The following CACNB2 variants were observed in gnomAD, a reference collection of about 807,000 sequenced individuals.
CACNB2 encodes the protein voltage-dependent L-type calcium channel subunit beta-2.
Under a neutral mutation model 73.3 loss-of-function variants are expected in CACNB2, and 42 were observed. The observed-to-expected ratio is 0.57, with a 90% CI of 0.45 to 0.74. CACNB2 has a LOEUF of 0.74. CACNB2 is among the 30% of genes least tolerant of loss of function. The pLI, the probability that CACNB2 is intolerant of heterozygous loss-of-function variation, is 0.00. For synonymous variants in CACNB2, 348 were observed against 310.3 expected (o/e 1.12, Z -1.28); for missense variants, 940 against 853.0 (o/e 1.10, Z -1.27).
In CACNB2 at chr10:18,428,169, T is replaced by A. The variant is rs566578995; in HGVS notation, c.333+26126T>A. On this transcript the variant is annotated intron_variant, in intron 3 of 13. Coordinates refer to ENST00000324631, the MANE Select transcript of CACNB2 (RefSeq NM_201596.3). ...GGTGATCCTACTGTTGTCATTTCTG[T>A]CTCTGATTTCAGGTTTGTACATTTC... 2.3e-4 allele frequency among the ~76,000 whole-genome samples: 35 copies of A among 152,364 alleles called. No homozygotes were observed. In the South Asian group the frequency reaches 7.2e-3, roughly 32 times the overall value.
chr10:18,397,720 C>CAA (rs10581390), intron 2 of CACNB2, among the ~76,000 whole-genome samples: 166 of 91,580 alleles, frequency 1.8e-3, no homozygotes, highest in Middle Eastern at 6.8e-3. Context: ...GACTCCGTCT[C>CAA]AAAAAAAAAA....
intron 2 of CACNB2, among the ~76,000 whole-genome samples, chr10:18,303,581 T>G (rs1290640454): frequency 6.6e-6 from 1 of 152,102 alleles, no homozygotes; most frequent in Non-Finnish European, 1.5e-5. Flanking sequence ...GTCACTTACT[T>G]CTCTTCATAA....
At chr10:18,235,428 A>C (rs1304359344) in intron 2 of CACNB2, among the ~76,000 whole-genome samples, 1 of 152,240 alleles carries the variant, frequency 6.6e-6, no homozygotes, top group Non-Finnish European at 1.5e-5. Context: ...ACTGCACTCC[A>C]GCCTGGGAGA....
At chr10:18,244,246 G>A (rs536852709) in intron 2 of CACNB2, among the ~76,000 whole-genome samples, 2 of 152,150 alleles carry the variant, frequency 1.3e-5, no homozygotes, top group Non-Finnish European at 2.9e-5. Context: ...AGTTCATTCT[G>A]GAACCACAGA....
Position 18,140,651 on chromosome 10 carries a change from C to A in CACNB2, c.-86C>A. The A allele has an allele frequency of 1.6e-6, 2 of 1,240,570 alleles. No homozygotes were observed. The highest frequency in any genetic ancestry group is 2.3e-6 in the Non-Finnish European group (2 of 869,896). 76.8% of individuals were successfully genotyped at this position (1,240,570 alleles called of 1,614,324 possible). On this transcript the variant is annotated 5_prime_UTR_variant, in exon 1 of 14. Coordinates refer to ENST00000324631, the MANE Select transcript of CACNB2 (RefSeq NM_201596.3). ...CTGAGCCCTGGGCGGCCCCCAGAGC[C>A]GATCAGAGCGCGGGGAGGCGGGGGC...
At chr10:18,269,738 G>A (rs531726964) in intron 2 of CACNB2, among the ~76,000 whole-genome samples, 13 of 152,174 alleles carry the variant, frequency 8.5e-5, no homozygotes, top group Admixed American at 2.6e-4. Flanking sequence ...CCATCCTTGC[G>A]GTCCTGTTCC....
At chr10:18,187,913 T>A (rs2034225290) in intron 2 of CACNB2, among the ~76,000 whole-genome samples, 1 of 152,126 alleles carries the variant, frequency 6.6e-6, no homozygotes, top group African/African-American at 2.4e-5. Flanking sequence ...TGTGGAGAAG[T>A]CTTAAATGAA....
intron 2 of CACNB2, among the ~76,000 whole-genome samples, chr10:18,389,188 G>C (rs975274144): frequency 6.6e-6 from 1 of 152,178 alleles, no homozygotes; most frequent in Non-Finnish European, 1.5e-5. Flanking sequence ...ACCCAGGCTG[G>C]ATTGCAGTGG....
intron 2 of CACNB2, among the ~76,000 whole-genome samples, chr10:18,293,511 G>A (rs1352167610): frequency 2.6e-5 from 4 of 152,204 alleles, no homozygotes; most frequent in Non-Finnish European, 1.5e-5. Context: ...CTAATGGCAT[G>A]TTTCTACCAT....
intron 3 of CACNB2, among the ~76,000 whole-genome samples, chr10:18,496,031 C>T (rs1023089517): frequency 6.6e-6 from 1 of 151,614 alleles, no homozygotes; most frequent in African/African-American, 2.4e-5. Context: ...ACTAAAAATA[C>T]AAAAATTAGC....
chr10:18,290,378 G>A (rs191595139), intron 2 of CACNB2, among the ~76,000 whole-genome samples: 36 of 151,946 alleles, frequency 2.4e-4, no homozygotes, highest in African/African-American at 8.0e-4. Flanking sequence ...ATTGCTTGAG[G>A]CTGAGTATAT....
chr10:18,231,560 T>G (rs1360075506), intron 2 of CACNB2, among the ~76,000 whole-genome samples: 1 of 152,230 alleles, frequency 6.6e-6, no homozygotes, highest in Non-Finnish European at 1.5e-5. Flanking sequence ...TTTTAGAGAA[T>G]GTGGCTTATT....
chr10:18,368,885 G>C (rs574780933), intron 2 of CACNB2, among the ~76,000 whole-genome samples: 1 of 151,958 alleles, frequency 6.6e-6, no homozygotes, highest in Non-Finnish European at 1.5e-5. Context: ...TACAGCATGA[G>C]TCACTCTATT....
chr10:18,524,243 C>A (rs2052223915), intron 9 of CACNB2, among the ~76,000 whole-genome samples: 1 of 151,094 alleles, frequency 6.6e-6, no homozygotes, highest in Non-Finnish European at 1.5e-5. Flanking sequence ...GTTTTGTTTC[C>A]TTCAGTGACT....
At chr10:18,362,034 G>A (rs879655560) in intron 2 of CACNB2, among the ~76,000 whole-genome samples, 2 of 151,860 alleles carry the variant, frequency 1.3e-5, no homozygotes, top group South Asian at 2.1e-4. Context: ...TTCCCATGTC[G>A]CCCAGGCTGA....
At chr10:18,205,714 A>C (rs181419134) in intron 2 of CACNB2, among the ~76,000 whole-genome samples, 1 of 152,158 alleles carries the variant, frequency 6.6e-6, no homozygotes, top group Non-Finnish European at 1.5e-5. Flanking sequence ...CTGATCTTCA[A>C]TTCTTTCTTC....
intron 3 of CACNB2, among the ~76,000 whole-genome samples, chr10:18,489,747 G>A (rs976591984): frequency 1.1e-4 from 17 of 152,074 alleles, no homozygotes; most frequent in African/African-American, 3.6e-4. Flanking sequence ...TCATGTACAA[G>A]GTAAAGAAGG....
At chr10:18,256,966 A>G (rs1249657594) in intron 2 of CACNB2, 3 of 152,078 alleles carry the variant, frequency 2.0e-5, no homozygotes, top group African/African-American at 7.2e-5. Context: ...AATAATAACA[A>G]TAGTAATAAT....
chr10:18,338,023 A>G (rs139610841), intron 2 of CACNB2, among the ~76,000 whole-genome samples: 25 of 152,322 alleles, frequency 1.6e-4, no homozygotes, highest in African/African-American at 6.0e-4. Context: ...TTTTTAAAAC[A>G]TCACACCAAA....
Sources: allele counts gnomAD v4.1 joint callset (sites outside exome capture counted in the v4.1 genomes callset), GRCh38; gene constraint gnomAD v4.1.1; transcripts MANE v1.5; gene names NCBI Gene and HGNC (gene_info 2026-07-23, HGNC 2026-07-21).